The following NR5A2 variants were observed in gnomAD, a reference collection of about 807,000 sequenced individuals.
The protein encoded by NR5A2 is CYP7A promoter-binding factor.
Under a neutral mutation model 62.7 loss-of-function variants are expected in NR5A2, and 26 were observed. The ratio of observed to expected loss-of-function variants is 0.41; its 90% CI spans 0.30 to 0.58. The LOEUF (loss-of-function observed/expected upper bound fraction) is 0.58, where lower values mean the gene tolerates loss of function less well. NR5A2 is among the 20% of genes least tolerant of loss of function. The pLI, the probability that NR5A2 is intolerant of heterozygous loss-of-function variation, is 0.22. For missense variants in NR5A2, 541 were observed against 669.1 expected (o/e 0.81, Z 2.11); for synonymous variants, 246 against 241.7 (o/e 1.02, Z -0.16).
chr1:200,111,991 T>C (rs1322532706), intron 6 of NR5A2, among the ~76,000 whole-genome samples: 1 of 151,708 alleles, frequency 6.6e-6, no homozygotes, highest in Non-Finnish European at 1.5e-5. Flanking sequence ...CGGAACTTAA[T>C]GTTGTAGCAG....
intron 7 of NR5A2, among the ~76,000 whole-genome samples, chr1:200,132,572 G>A (rs1167209573): frequency 2.0e-5 from 3 of 152,084 alleles, no homozygotes; most frequent in African/African-American, 7.2e-5. Context: ...CAACCCCCAT[G>A]TTACATAAAT....
At chr1:200,035,802 G>A (rs778795416) in intron 1 of NR5A2, among the ~76,000 whole-genome samples, 15 of 152,162 alleles carry the variant, frequency 9.9e-5, no homozygotes, top group Non-Finnish European at 1.8e-4. Context: ...GACCTGTCTC[G>A]TCGGAAAGAA....
intron 7 of NR5A2, among the ~76,000 whole-genome samples, chr1:200,170,052 A>G (rs1654099419): frequency 6.6e-6 from 1 of 152,212 alleles, no homozygotes; most frequent in Non-Finnish European, 1.5e-5. Context: ...TTTCAAAAAC[A>G]TGTATTTCTG....
chr1:200,063,517 G>C (rs968784460), intron 5 of NR5A2, among the ~76,000 whole-genome samples: 2 of 152,168 alleles, frequency 1.3e-5, no homozygotes, highest in African/African-American at 4.8e-5. Context: ...TGTTATTGAA[G>C]GAGTTTTATT....
rs1654361193 is a variant in NR5A2, at chr1:200,175,133, C to G, written c.*923C>G. 6.6e-6 allele frequency: 1 copy of G among 152,610 alleles called. No homozygotes were observed. The highest frequency in any genetic ancestry group is 2.4e-5 in the African/African-American group (1 of 41,438). 9.5% of individuals were successfully genotyped at this position (152,610 alleles called of 1,614,324 possible). ...AGTATACATCAGTCTTTTTCATCATCCAAGTTTGTAGTTCATTTAAAAATA... is the reference window on the plus strand; with the variant it reads ...AGTATACATCAGTCTTTTTCATCATGCAAGTTTGTAGTTCATTTAAAAATA... On this transcript the variant is annotated 3_prime_UTR_variant, in exon 8 of 8. Transcript: ENST00000367362.
chr1:200,126,097 C>T (rs1435919740), intron 7 of NR5A2, among the ~76,000 whole-genome samples: 1 of 152,130 alleles, frequency 6.6e-6, no homozygotes, highest in Non-Finnish European at 1.5e-5. Context: ...ATCCTCCCTC[C>T]TTGGCCTCTC....
intron 5 of NR5A2, among the ~76,000 whole-genome samples, chr1:200,079,179 C>A (rs369501310): frequency 5.3e-5 from 8 of 152,146 alleles, no homozygotes; most frequent in African/African-American, 1.9e-4. Flanking sequence ...CCTTGGATAC[C>A]ATATAACCTG....
At chr1:200,063,356 C>T (rs191378724) in intron 5 of NR5A2, among the ~76,000 whole-genome samples, 54 of 152,066 alleles carry the variant, frequency 3.6e-4, no homozygotes, top group African/African-American at 1.3e-3. Context: ...GACGGGGTTT[C>T]ACCATGTTGG....
At chr1:200,109,031 T>G (rs1376819787) in intron 5 of NR5A2, among the ~76,000 whole-genome samples, 1 of 152,196 alleles carries the variant, frequency 6.6e-6, no homozygotes, top group Non-Finnish European at 1.5e-5. Context: ...ACTAAACCAC[T>G]AAATACTGTT....
At chr1:200,068,018 T>C (rs1348118324) in intron 5 of NR5A2, among the ~76,000 whole-genome samples, 1 of 152,250 alleles carries the variant, frequency 6.6e-6, no homozygotes, top group Admixed American at 6.5e-5. Context: ...ATGAATTTCA[T>C]CCGATGTTTG....
intron 2 of NR5A2, among the ~76,000 whole-genome samples, chr1:200,042,056 C>T (rs759867151): frequency 2.0e-5 from 3 of 152,186 alleles, no homozygotes; most frequent in Non-Finnish European, 4.4e-5. Flanking sequence ...ATTTCTGAAC[C>T]CTCGGCCCTT....
At position 200,062,360 on chromosome 1, in the gene NR5A2, G is replaced by A. The variant is rs530332046; in HGVS notation, c.1110+13542G>A. Among the ~76,000 whole-genome samples, 11 of 151,808 alleles carry A rather than the reference G, an allele frequency of 7.2e-5. No homozygotes were observed. The East Asian group carries it at 1.7e-3, about 24-fold the overall frequency. ...ATTCTAAGGGCTGTTGTTTCATTTCGATCACTGTATCCTGTGGACTCTGAA... is the reference window on the plus strand; with the variant it reads ...ATTCTAAGGGCTGTTGTTTCATTTCAATCACTGTATCCTGTGGACTCTGAA... On this transcript the variant is annotated intron_variant, in intron 5 of 7. Coordinates refer to ENST00000367362, the MANE Select transcript of NR5A2 (RefSeq NM_205860.3).
At chr1:200,059,637 A>T (rs1006804348) in intron 5 of NR5A2, among the ~76,000 whole-genome samples, 1 of 152,142 alleles carries the variant, frequency 6.6e-6, no homozygotes, top group African/African-American at 2.4e-5. Context: ...ACACATACAC[A>T]CATGCACACA....
At chr1:200,137,584 GATT>G (rs1460176643) in intron 7 of NR5A2, among the ~76,000 whole-genome samples, 1 of 152,122 alleles carries the variant, frequency 6.6e-6, no homozygotes, top group Non-Finnish European at 1.5e-5. Flanking sequence ...TATTAGCCTA[GATT>G]ATTAGCAGAT....
At position 200,133,505 on chromosome 1, in the gene NR5A2, C is replaced by CTATATATATATATATATATATA. The variant is rs138519275; in HGVS notation, c.1378+12551_1378+12572dup. On this transcript the variant is annotated intron_variant, in intron 7 of 7. Coordinates refer to ENST00000367362, the MANE Select transcript of NR5A2 (RefSeq NM_205860.3). ...TAATGATGTTTTGGTCACTGATGGA[C>CTATATATATATATATATATATA]TATATATATATATATATATATACAC... 2.3e-3 allele frequency among the ~76,000 whole-genome samples: 315 copies of CTATATATATATATATATATATA among 134,274 alleles called. 1 individual carries two copies. Among genetic ancestry groups the CTATATATATATATATATATATA allele is most frequent in the East Asian group, 8.7e-3 (39 of 4,496 alleles). The allele number at this position is 134,274 out of a possible 152,430, so 88.1% of individuals were successfully genotyped here. A position where few individuals can be genotyped will look rare whatever the true frequency, so the allele number is the denominator to read the frequency against.
intron 1 of NR5A2, chr1:200,029,388 T>G (rs1022644045): frequency 1.9e-5 from 3 of 156,030 alleles, no homozygotes; most frequent in Non-Finnish European, 2.8e-5. Context: ...TTAAAGAGGG[T>G]AAGGTAGGGG....
At chr1:200,057,101 A>T (rs1662949786) in intron 5 of NR5A2, among the ~76,000 whole-genome samples, 2 of 152,212 alleles carry the variant, frequency 1.3e-5, no homozygotes, top group Admixed American at 1.3e-4. Context: ...AAACATAATG[A>T]ATTTACATAT....
At chr1:200,040,439 C>T (rs527651120) in intron 2 of NR5A2, among the ~76,000 whole-genome samples, 2 of 152,266 alleles carry the variant, frequency 1.3e-5, no homozygotes, top group South Asian at 2.1e-4. Context: ...CGTTTATTGC[C>T]CCCTTTTAAA....
intron 6 of NR5A2, among the ~76,000 whole-genome samples, chr1:200,115,399 G>A (rs937959239): frequency 4.6e-5 from 7 of 152,118 alleles, no homozygotes; most frequent in African/African-American, 1.4e-4. Context: ...CTAGAAGTGT[G>A]TTTCCATGAA....
Sources: gnomAD v4.1 joint callset for allele counts (sites outside exome capture counted in the v4.1 genomes callset) on GRCh38, gnomAD v4.1.1 for gene constraint, MANE v1.5 for transcripts, NCBI Gene and HGNC (gene_info 2026-07-23, HGNC 2026-07-21) for gene names.